Variants in HDAC9 observed in about 807,000 individuals in gnomAD.
HDAC9 encodes the protein MEF-2 interacting transcription repressor (MITR) protein.
In HDAC9, 41 loss-of-function variants were observed where a neutral mutation model predicts 139.4. That is an observed-to-expected ratio of 0.29 (90% confidence interval 0.23 to 0.38). HDAC9 has a LOEUF of 0.38. Ranked by LOEUF, HDAC9 falls within the 10% of genes least tolerant of loss-of-function variation. The pLI is 1.00. For synonymous variants in HDAC9, 517 were observed against 476.2 expected, an observed-to-expected ratio of 1.09 and a Z score of -1.12; for missense variants, 1,147 against 1,297.0, an observed-to-expected ratio of 0.88 and a Z score of 1.78.
At chr7:18,522,920 T>G (rs1805555084) in intron 2 of HDAC9, among the ~76,000 whole-genome samples, 1 of 152,250 alleles carries the variant, frequency 6.6e-6, no homozygotes, top group African/African-American at 2.4e-5. Context: ...CCACTGTATT[T>G]AGGCCAAAGT....
chr7:18,135,277 GGTA>G (rs1785309451), intron 1 of HDAC9, among the ~76,000 whole-genome samples: 2 of 148,834 alleles, frequency 1.3e-5, no homozygotes, highest in South Asian at 4.3e-4. Context: ...TTTTTAAAAA[GGTA>G]GTATTTACCA....
At chr7:18,534,880 G>C (rs1810350906) in intron 2 of HDAC9, among the ~76,000 whole-genome samples, 1 of 152,210 alleles carries the variant, frequency 6.6e-6, no homozygotes, top group Non-Finnish European at 1.5e-5. Context: ...GAGAGGAGGA[G>C]AAATGTCTTG....
At chr7:18,619,380 C>T (rs1254252827) in intron 6 of HDAC9, among the ~76,000 whole-genome samples, 1 of 152,146 alleles carries the variant, frequency 6.6e-6, no homozygotes, top group Non-Finnish European at 1.5e-5. Context: ...ATTATTCATT[C>T]AGCAACTGTT....
chr7:18,160,950 A>G (rs1000890366), intron 1 of HDAC9, among the ~76,000 whole-genome samples: 1 of 152,112 alleles, frequency 6.6e-6, no homozygotes, highest in Non-Finnish European at 1.5e-5. Flanking sequence ...CAGAATGTCC[A>G]TTTCTTGATA....
Position 18,967,504 on chromosome 7 carries a change from C to A in HDAC9, c.3023-8302C>A, listed in dbSNP as rs1432057842. ...TTTTTGTAAATAAAGTTGCCCCCCCCCCAAAAAAAAAAAAGCAGGGTGTTA... is the reference window on the plus strand; with the variant it reads ...TTTTTGTAAATAAAGTTGCCCCCCCACCAAAAAAAAAAAAGCAGGGTGTTA... On this transcript the variant is annotated intron_variant, in intron 24 of 25. Transcript: ENST00000686413. 7.2e-5 allele frequency among the ~76,000 whole-genome samples: 10 copies of A among 138,752 alleles called. 1 individual carries two copies. Among genetic ancestry groups the A allele is most frequent in the African/African-American group, 1.6e-4 (6 of 36,456 alleles). The allele number at this position is 138,752 out of a possible 152,430, so 91.0% of individuals were successfully genotyped here. A position where few individuals can be genotyped will look rare whatever the true frequency, so the allele number is the denominator to read the frequency against.
At chr7:18,244,703 C>G (rs913695374) in intron 2 of HDAC9, among the ~76,000 whole-genome samples, 4 of 151,994 alleles carry the variant, frequency 2.6e-5, no homozygotes, top group Non-Finnish European at 5.9e-5. Flanking sequence ...GAGCCTGAGG[C>G]GGGAGAATGG....
At chr7:18,461,989 G>C (rs749097186) in intron 1 of HDAC9, among the ~76,000 whole-genome samples, 2 of 151,934 alleles carry the variant, frequency 1.3e-5, no homozygotes, top group Non-Finnish European at 2.9e-5. Context: ...TGAGCAGTGT[G>C]GTCGTGATCA....
chr7:18,518,774 G>A (rs1193669746), intron 2 of HDAC9, among the ~76,000 whole-genome samples: 1 of 152,208 alleles, frequency 6.6e-6, no homozygotes, highest in South Asian at 2.1e-4. Flanking sequence ...CCATGTCATA[G>A]ATATCTTTAA....
At chr7:18,246,815 C>G (rs1270748828) in intron 2 of HDAC9, among the ~76,000 whole-genome samples, 2 of 152,076 alleles carry the variant, frequency 1.3e-5, no homozygotes, top group Non-Finnish European at 2.9e-5. Context: ...GGCAGATTGA[C>G]TAGGAGGTTA....
chr7:18,596,001 A>G (rs1197620223), intron 6 of HDAC9, among the ~76,000 whole-genome samples: 5 of 152,048 alleles, frequency 3.3e-5, no homozygotes, highest in African/African-American at 1.2e-4. Flanking sequence ...TACAAACCCT[A>G]TTTAGATTTG....
At chr7:18,719,576 G>T (rs968081033) in intron 12 of HDAC9, among the ~76,000 whole-genome samples, 14 of 152,036 alleles carry the variant, frequency 9.2e-5, no homozygotes, top group African/African-American at 3.4e-4. Context: ...CTGACCTCAG[G>T]TGATCCACCC....
In HDAC9 at chr7:18,469,837, T is replaced by C. The variant is rs1794592405; in HGVS notation, c.-41-26425T>C. The stretch of plus-strand genomic sequence containing the variant: ...TATTATATATTATAGAAACAACGAA[T>C]CATAGGTTAGATCAACCAGGAGAGT... On this transcript the variant is annotated intron_variant, in intron 1 of 3. Coordinates refer to the HDAC9 transcript ENST00000413509. Among the ~76,000 whole-genome samples, 4 of 152,078 alleles carry C rather than the reference T, an allele frequency of 2.6e-5. No individual in the cohort carries two copies. The South Asian group carries it at 8.3e-4, about 31-fold the overall frequency.
intron 22 of HDAC9, chr7:18,907,043 G>A (rs1337323048): frequency 6.6e-6 from 1 of 152,164 alleles, no homozygotes; most frequent in South Asian, 2.1e-4. Context: ...ACCCTCACAA[G>A]AAAAGAAGAA....
At chr7:18,245,647 G>A (rs1283056413) in intron 2 of HDAC9, among the ~76,000 whole-genome samples, 3 of 152,120 alleles carry the variant, frequency 2.0e-5, no homozygotes, top group Non-Finnish European at 2.9e-5. Context: ...TACTTTTTGG[G>A]AGATGTGAGA....
At chr7:18,891,868 T>G (rs1800710236) in intron 22 of HDAC9, among the ~76,000 whole-genome samples, 1 of 152,166 alleles carries the variant, frequency 6.6e-6, no homozygotes, top group African/African-American at 2.4e-5. Flanking sequence ...TTTGTATGAA[T>G]GGATTCATTC....
chr7:18,562,848 A>G (rs888947396), intron 2 of HDAC9, among the ~76,000 whole-genome samples: 3 of 152,138 alleles, frequency 2.0e-5, no homozygotes, highest in African/African-American at 7.2e-5. Flanking sequence ...TCATATTGCT[A>G]TCTTAATAAT....
intron 12 of HDAC9, among the ~76,000 whole-genome samples, chr7:18,709,531 A>G (rs1367623329): frequency 1.3e-5 from 2 of 152,176 alleles, no homozygotes; most frequent in Admixed American, 1.3e-4. Flanking sequence ...TTTTTTTAAG[A>G]ACTAGATTAA....
chr7:18,599,063 A>G (rs1187418311), intron 6 of HDAC9, among the ~76,000 whole-genome samples: 2 of 152,222 alleles, frequency 1.3e-5, no homozygotes, highest in Admixed American at 1.3e-4. Context: ...TGTTCATCGT[A>G]GGAGGAAGTC....
chr7:18,967,530 T>A (rs1239250538), intron 24 of HDAC9, among the ~76,000 whole-genome samples: 1 of 135,690 alleles, frequency 7.4e-6, no homozygotes, highest in Non-Finnish European at 1.6e-5. Flanking sequence ...CAGGGTGTTA[T>A]TGTGAAAGCT....
Sources: gnomAD v4.1 joint callset for allele counts (sites outside exome capture counted in the v4.1 genomes callset) on GRCh38, gnomAD v4.1.1 for gene constraint, MANE v1.5 for transcripts, NCBI Gene and HGNC (gene_info 2026-07-23, HGNC 2026-07-21) for gene names.